The following LRP1B variants were observed in gnomAD, a reference collection of about 807,000 sequenced individuals.
LRP1B encodes LDL receptor related protein 1B.
Under a neutral mutation model 556.6 loss-of-function variants are expected in LRP1B, and 217 were observed. The ratio of observed to expected loss-of-function variants is 0.39; its 90% CI spans 0.35 to 0.44. LRP1B has a LOEUF of 0.44. Ranked by LOEUF, LRP1B falls within the 20% of genes least tolerant of loss-of-function variation. LRP1B has a pLI of 1.00. For synonymous variants in LRP1B, 2,047 were observed against 1,865.8 expected (o/e 1.10, Z -2.50); for missense variants, 5,053 against 5,620.8 (o/e 0.90, Z 3.23).
At chr2:142,073,367 C>A (rs1057109162) in intron 1 of LRP1B, among the ~76,000 whole-genome samples, 1 of 151,910 alleles carries the variant, frequency 6.6e-6, no homozygotes, top group South Asian at 2.1e-4. Context: ...TTTCTAAAGA[C>A]CTAATACTAC....
At chr2:140,926,190 A>C (rs2105263763) in intron 20 of LRP1B, among the ~76,000 whole-genome samples, 1 of 152,134 alleles carries the variant, frequency 6.6e-6, no homozygotes, top group East Asian at 1.9e-4. Flanking sequence ...AGAAGAAAAT[A>C]TAATATTGTG....
intron 16 of LRP1B, among the ~76,000 whole-genome samples, chr2:140,990,712 T>C (rs935712388): frequency 2.6e-5 from 4 of 152,196 alleles, no homozygotes; most frequent in Middle Eastern, 3.4e-3. Flanking sequence ...AGGGCCATCT[T>C]AATGTTAACC....
At chr2:141,096,894 T>C (rs538026545) in intron 7 of LRP1B, among the ~76,000 whole-genome samples, 2 of 152,258 alleles carry the variant, frequency 1.3e-5, no homozygotes, top group Admixed American at 6.5e-5. Context: ...ACAGGTCACA[T>C]GAAGTAAGGT....
chr2:141,653,852 T>A (rs948961350), intron 2 of LRP1B, among the ~76,000 whole-genome samples: 7 of 152,162 alleles, frequency 4.6e-5, no homozygotes, highest in Non-Finnish European at 1.0e-4. Flanking sequence ...TTTACAGTAT[T>A]TTCTTTTTTT....
chr2:141,453,387 A>G lies in LRP1B; in HGVS notation c.343+27009T>C, dbSNP rs1014130348. Among the ~76,000 whole-genome samples the G allele has an allele frequency of 4.0e-4, 61 of 152,258 alleles. 1 individual carries two copies. The highest frequency in any genetic ancestry group is 1.2e-3 in the African/African-American group (50 of 41,522). On this transcript the variant is annotated intron_variant, in intron 3 of 90. Coordinates refer to ENST00000389484, the MANE Select transcript of LRP1B (RefSeq NM_018557.3). ...CTTTCCTTTTCTCCCATTGTTCAAA[A>G]ACATTCCAATTTCCACTTCTCAACT... is the stretch of plus-strand genomic sequence containing the variant.
intron 72 of LRP1B, among the ~76,000 whole-genome samples, chr2:140,364,071 CAATTTGGAGAAACTTG>C (rs1041337047): frequency 3.3e-5 from 5 of 151,520 alleles, no homozygotes; most frequent in Non-Finnish European, 7.4e-5. Flanking sequence ...AAATGTCAGT[CAATTTGGAGAAACTTG>C]AATTTGGAGA....
intron 2 of LRP1B, among the ~76,000 whole-genome samples, chr2:141,669,890 G>A (rs992858923): frequency 6.6e-6 from 1 of 151,986 alleles, no homozygotes; most frequent in Admixed American, 6.6e-5. Flanking sequence ...GAGTAGCTGG[G>A]ATTACAGGCA....
At chr2:141,668,427 T>C (rs1026367514) in intron 2 of LRP1B, among the ~76,000 whole-genome samples, 4 of 152,022 alleles carry the variant, frequency 2.6e-5, no homozygotes, top group African/African-American at 4.8e-5. Flanking sequence ...CCTATATCCA[T>C]ATAAACTTCA....
chr2:141,710,281 A>C (rs1692310479), intron 2 of LRP1B, among the ~76,000 whole-genome samples: 1 of 152,128 alleles, frequency 6.6e-6, no homozygotes. Context: ...GTTTTAAAAA[A>C]ATTTTCCTTC....
intron 31 of LRP1B, among the ~76,000 whole-genome samples, chr2:140,837,944 TA>T (rs200901865): frequency 1.1e-4 from 16 of 150,956 alleles, no homozygotes; most frequent in African/African-American, 3.2e-4. Context: ...AAAGTATAAT[TA>T]AAAAAAAATA....
intron 2 of LRP1B, among the ~76,000 whole-genome samples, chr2:141,637,605 G>T (rs954046644): frequency 5.3e-5 from 8 of 152,200 alleles, no homozygotes; most frequent in African/African-American, 1.9e-4. Context: ...CTCCTGGTTT[G>T]CACTGCCTTG....
chr2:140,546,933 T>A lies in LRP1B; in HGVS notation c.7195-4962A>T, dbSNP rs1680363560. ...ATCATGTGTTTTTTTTGTATTTAGT[T>A]CTGTGTATGTGATGAATCACCTTTA... On this transcript the variant is annotated intron_variant, in intron 43 of 90. Transcript: ENST00000389484. Among the ~76,000 whole-genome samples, 4 of 152,240 alleles carry A rather than the reference T, an allele frequency of 2.6e-5. No individual in the cohort carries two copies. In the South Asian group the frequency reaches 8.3e-4, roughly 32 times the overall value.
At chr2:140,947,119 C>A (rs2105294784) in intron 20 of LRP1B, among the ~76,000 whole-genome samples, 1 of 152,154 alleles carries the variant, frequency 6.6e-6, no homozygotes, top group East Asian at 1.9e-4. Context: ...CAGCATCATG[C>A]AAAATACTCT....
rs534576201 is a variant in LRP1B at position 140,437,077 on chromosome 2, C to A, written c.10414+5427G>T. 3.9e-5 allele frequency among the ~76,000 whole-genome samples: 6 copies of A among 152,110 alleles called. No homozygotes were observed. The East Asian group carries it at 1.2e-3, about 29-fold the overall frequency. ...AACGAGTGTCATATATCAACAGCAACGTAAGATTAAGCAGCAGCTCATCAA... is the reference window on the plus strand; with the variant it reads ...AACGAGTGTCATATATCAACAGCAAAGTAAGATTAAGCAGCAGCTCATCAA... On this transcript the variant is annotated intron_variant, in intron 66 of 90. Transcript: ENST00000389484.
intron 14 of LRP1B, among the ~76,000 whole-genome samples, chr2:141,011,031 T>A (rs4954870): frequency 0.42 from 61,551 of 146,166 alleles, 13,209 homozygotes; most frequent in East Asian, 0.6. Context: ...AATATAGTTT[T>A]TATATATATA....
intron 23 of LRP1B, 137 bp downstream of exon 23, chr2:140,902,783 T>C: frequency 1.1e-6 from 1 of 887,056 alleles, no homozygotes; most frequent in South Asian, 1.8e-5. Context: ...ATAGTAGGTC[T>C]AAAATAACAC....
intron 1 of LRP1B, among the ~76,000 whole-genome samples, chr2:141,895,048 CA>C (rs369108197): frequency 1.8e-3 from 145 of 78,504 alleles, no homozygotes; most frequent in African/African-American, 4.3e-3. Context: ...AACTCCATCT[CA>C]AAAAAAAAAA....
intron 6 of LRP1B, 61 bp from the exon 7 acceptor site, chr2:141,188,644 A>T: frequency 1.4e-6 from 2 of 1,446,768 alleles, no homozygotes; most frequent in Non-Finnish European, 1.9e-6. Flanking sequence ...ATGATCCAAA[A>T]ATAACATAAG....
intron 7 of LRP1B, among the ~76,000 whole-genome samples, chr2:141,112,920 G>A (rs986263728): frequency 3.9e-5 from 6 of 152,160 alleles, no homozygotes; most frequent in African/African-American, 1.4e-4. Context: ...AAGTTCATCA[G>A]TGTTAAGGAG....
Sources: gnomAD v4.1 joint callset for allele counts (sites outside exome capture counted in the v4.1 genomes callset) on GRCh38, gnomAD v4.1.1 for gene constraint, MANE v1.5 for transcripts, NCBI Gene and HGNC (gene_info 2026-07-23, HGNC 2026-07-21) for gene names.